The following NPTN variants were observed in gnomAD, a reference collection of about 807,000 sequenced individuals.
NPTN encodes SDR-1.
In NPTN, 5 loss-of-function variants were observed where a neutral mutation model predicts 42.7. The ratio of observed to expected loss-of-function variants is 0.12; its 90% CI spans 0.06 to 0.25. NPTN has a LOEUF of 0.25. NPTN is among the 10% of genes least tolerant of loss of function. The pLI is 1.00. For missense variants in NPTN, 307 were observed against 525.4 expected (o/e 0.58, Z 4.06); for synonymous variants, 180 against 201.9 (o/e 0.89, Z 0.92).
rs567525436 is a variant in NPTN, at chr15:73,560,762, G to A, written c.*301C>T. The A allele has an allele frequency of 6.6e-6, 1 of 152,286 alleles. No individual in the cohort carries two copies. Among genetic ancestry groups the A allele is most frequent in the Non-Finnish European group, 1.5e-5 (1 of 67,954 alleles). 9.4% of individuals were successfully genotyped at this position (152,286 alleles called of 1,614,324 possible). On this transcript the variant is annotated 3_prime_UTR_variant, in exon 9 of 9. Transcript: ENST00000345330. ...CTGCATTAAGTAAAAAATGGCGCAT[G>A]CATGATCTGATCCTCAGAGGACCTT...
intron 7 of NPTN, among the ~76,000 whole-genome samples, chr15:73,562,315 C>T (rs2141345420): frequency 6.6e-6 from 1 of 152,286 alleles, no homozygotes; most frequent in South Asian, 2.1e-4. Flanking sequence ...ACAAAAAAAA[C>T]TTCAGATTTT....
intron 7 of NPTN, among the ~76,000 whole-genome samples, chr15:73,562,487 CACA>C (rs1446481528): frequency 6.6e-6 from 1 of 152,194 alleles, no homozygotes; most frequent in African/African-American, 2.4e-5. Flanking sequence ...CTCCACTGAA[CACA>C]ACACCACTGT....
rs1343707128 is a variant in NPTN at position 73,570,391 on chromosome 15, G to T, written c.873C>A (p.Ile291=). The T allele has an allele frequency of 1.2e-6, 2 of 1,613,428 alleles. No individual in the cohort carries two copies. The highest frequency in any genetic ancestry group is 2.2e-5 in the East Asian group (1 of 44,890). The change falls in exon 6 of 9, where the codon ATC becomes ATA. Residue 291 remains isoleucine, a synonymous_variant. Transcript: ENST00000345330. This position sits in a 1 kb window ranked among gnomAD's most constrained non-coding sequence, Gnocchi z 4.0. The part of the protein sequence containing the change: ...DIVNTSGRFF[I]INKENYTELN... ...ACTCAGTGTAATTTTCCTTGTTGATGATGAAGAAGCGGCCAGAGGTATTGA... is the reference window on the plus strand; with the variant it reads ...ACTCAGTGTAATTTTCCTTGTTGATTATGAAGAAGCGGCCAGAGGTATTGA...
At chr15:73,624,188 T>C (rs1200531745) in intron 1 of NPTN, among the ~76,000 whole-genome samples, 2 of 152,236 alleles carry the variant, frequency 1.3e-5, no homozygotes, top group African/African-American at 2.4e-5. Context: ...TCAATCCTAG[T>C]AGAAAACAGT....
At chr15:73,574,337 A>G (rs1030775382) in intron 4 of NPTN, among the ~76,000 whole-genome samples, 4 of 152,224 alleles carry the variant, frequency 2.6e-5, no homozygotes, top group Non-Finnish European at 4.4e-5. Flanking sequence ...CTCCCAGGAA[A>G]GAGGGAATCC....
chr15:73,630,841 A>G (rs1898698776), intron 1 of NPTN, among the ~76,000 whole-genome samples: 1 of 152,260 alleles, frequency 6.6e-6, no homozygotes, highest in Non-Finnish European at 1.5e-5. Flanking sequence ...ACCAGCTGAA[A>G]GCTTGAATAT....
At chr15:73,611,485 A>G (rs1431705674) in intron 1 of NPTN, among the ~76,000 whole-genome samples, 1 of 152,188 alleles carries the variant, frequency 6.6e-6, no homozygotes, top group East Asian at 1.9e-4. Context: ...AAGTGAAATA[A>G]GCCAATCTGA....
intron 1 of NPTN, among the ~76,000 whole-genome samples, chr15:73,601,774 A>C (rs1199137559): frequency 6.6e-6 from 1 of 152,222 alleles, no homozygotes; most frequent in Non-Finnish European, 1.5e-5. Flanking sequence ...ATATCAGTGC[A>C]TTCAGAGCAA....
At chr15:73,593,892 A>G (rs1269825403) in intron 2 of NPTN, among the ~76,000 whole-genome samples, 2 of 152,206 alleles carry the variant, frequency 1.3e-5, no homozygotes, top group Admixed American at 1.3e-4. Flanking sequence ...ACGTTAGCGC[A>G]GTGGTGTCCC....
chr15:73,587,873 GA>G (rs1896395734), intron 3 of NPTN, among the ~76,000 whole-genome samples: 1 of 152,170 alleles, frequency 6.6e-6, no homozygotes, highest in Admixed American at 6.5e-5. Flanking sequence ...TCTACTGGGA[GA>G]AACAAAATGC....
At chr15:73,574,320 C>A (rs1456282991) in intron 4 of NPTN, among the ~76,000 whole-genome samples, 5 of 152,122 alleles carry the variant, frequency 3.3e-5, no homozygotes, top group African/African-American at 7.2e-5. Context: ...TAACAATGAC[C>A]AAGGCTCTCC....
intron 4 of NPTN, among the ~76,000 whole-genome samples, chr15:73,581,011 T>C (rs1418293668): frequency 1.3e-5 from 2 of 152,138 alleles, no homozygotes; most frequent in Non-Finnish European, 2.9e-5. Context: ...ATCTAGAACA[T>C]GGTTGGAACT....
intron 4 of NPTN, among the ~76,000 whole-genome samples, chr15:73,581,713 T>C (rs1013467017): frequency 6.6e-6 from 1 of 152,196 alleles, no homozygotes; most frequent in Non-Finnish European, 1.5e-5. Context: ...CTGGATGCTG[T>C]AGAAACTGTC....
At chr15:73,608,527 T>A (rs893498737) in intron 1 of NPTN, among the ~76,000 whole-genome samples, 2 of 152,198 alleles carry the variant, frequency 1.3e-5, no homozygotes, top group African/African-American at 4.8e-5. Flanking sequence ...AGTGCTATTA[T>A]ATGTCAAGCA....
In NPTN at chr15:73,570,191, A is replaced by G; in HGVS notation, c.1073T>C (p.Val358Ala). 1 of 1,614,020 alleles carries G rather than the reference A, an allele frequency of 6.2e-7. No homozygotes were observed. Among genetic ancestry groups the G allele is most frequent in the Non-Finnish European group, 8.5e-7 (1 of 1,179,952 alleles). Residue 358 changes from valine to alanine, a missense_variant, in exon 6 of 9, where the codon GTT (valine) becomes GCT (alanine). Transcript: ENST00000345330. This position sits in a 1 kb window ranked among gnomAD's most constrained non-coding sequence, Gnocchi z 4.0. ...AEIIILVVII[V>A]VYEKRKRPDE... is the part of the protein sequence containing the mutation. ...TGGCCTCTTCCTCTTCTCATACACA[A>G]CAATGATCACCACAAGGATGATAAT...
chr15:73,633,108 C>G lies in NPTN; in HGVS notation c.91+17G>C. On this transcript the variant is annotated intron_variant, in intron 1 of 8. Coordinates refer to ENST00000345330, the MANE Select transcript of NPTN (RefSeq NM_012428.4). ...CCCCTCAACCCCCGCCCGGCCCGCC[C>G]CCGGCGCCCCGCTTACCGTTCTGAG... is the stretch of plus-strand genomic sequence containing the variant. 1.4e-6 allele frequency: 2 copies of G among 1,448,206 alleles called. No individual in the cohort carries two copies. The highest frequency in any genetic ancestry group is 1.5e-5 in the African/African-American group (1 of 67,160). The allele number at this position is 1,448,206 out of a possible 1,614,324, so 89.7% of individuals were successfully genotyped here.
chr15:73,587,018 T>A (rs1896350638), intron 4 of NPTN, among the ~76,000 whole-genome samples: 1 of 152,186 alleles, frequency 6.6e-6, no homozygotes, highest in Non-Finnish European at 1.5e-5. Context: ...AGGTTTCTAT[T>A]AAAATTCTAA....
intron 6 of NPTN, among the ~76,000 whole-genome samples, chr15:73,565,572 A>AG (rs767316680): frequency 2.0e-5 from 3 of 152,124 alleles, no homozygotes; most frequent in Non-Finnish European, 4.4e-5. Flanking sequence ...GATGCAATTG[A>AG]GGGGGGAAAA....
intron 1 of NPTN, among the ~76,000 whole-genome samples, chr15:73,608,304 C>A (rs1404087961): frequency 6.6e-6 from 1 of 152,184 alleles, no homozygotes; most frequent in African/African-American, 2.4e-5. Flanking sequence ...AACAGCACTT[C>A]TATGACAGGT....
Sources: gnomAD v4.1 joint callset for allele counts (sites outside exome capture counted in the v4.1 genomes callset) on GRCh38, gnomAD v4.1.1 for gene constraint, Gnocchi (gnomAD v3.1) non-coding constraint, MANE v1.5 for transcripts, NCBI Gene and HGNC (gene_info 2026-07-23, HGNC 2026-07-21) for gene names.